Variants in PDE1A observed in about 807,000 individuals in gnomAD.
PDE1A encodes phosphodiesterase 1A.
In PDE1A, 35 loss-of-function variants were observed where a neutral mutation model predicts 61.7. The observed-to-expected ratio is 0.57, with a 90% CI of 0.43 to 0.75. PDE1A has a LOEUF of 0.75. PDE1A is among the 30% of genes least tolerant of loss of function. PDE1A has a pLI of 0.00. For synonymous variants in PDE1A, 232 were observed against 213.2 expected (o/e 1.09, Z -0.77); for missense variants, 597 against 630.6 (o/e 0.95, Z 0.57).
chr2:182,157,660 A>G (rs780894830), intron 13 of PDE1A, among the ~76,000 whole-genome samples: 3 of 152,138 alleles, frequency 2.0e-5, no homozygotes, highest in Non-Finnish European at 4.4e-5. Context: ...CAACCTAAAT[A>G]ATATTCACCA....
At chr2:182,547,764 G>A in the PDE1A span, among the ~76,000 whole-genome samples, 1 of 152,288 alleles carries the variant, frequency 6.6e-6, no homozygotes, top group African/African-American at 2.4e-5. Context: ...CTGTGAAAGA[G>A]CCGGAAATTT....
chr2:182,459,971 T>C (rs979091510), intron 2 of PDE1A, among the ~76,000 whole-genome samples: 1 of 152,172 alleles, frequency 6.6e-6, no homozygotes, highest in Non-Finnish European at 1.5e-5. Flanking sequence ...AATAATCCAC[T>C]TCTTAGCCAC....
intron 2 of PDE1A, among the ~76,000 whole-genome samples, chr2:182,491,524 A>G (rs1463201592): frequency 6.6e-6 from 1 of 152,220 alleles, no homozygotes; most frequent in East Asian, 1.9e-4. Flanking sequence ...AATAGGAGGC[A>G]GTGATGGAAA....
chr2:182,573,940 TTATATA>T, the PDE1A span, among the ~76,000 whole-genome samples: 92 of 135,790 alleles, frequency 6.8e-4, 1 homozygote, highest in African/African-American at 2.6e-3. Flanking sequence ...ATATGTATAT[TTATATA>T]TTATATATAT....
the PDE1A span, among the ~76,000 whole-genome samples, chr2:182,597,447 A>C: frequency 4.6e-5 from 7 of 152,194 alleles, no homozygotes; most frequent in Non-Finnish European, 8.8e-5. Context: ...CAGAGAAGCC[A>C]GCGCTTGCAG....
intron 1 of PDE1A, among the ~76,000 whole-genome samples, chr2:182,316,213 T>C (rs535752493): frequency 6.6e-6 from 1 of 152,204 alleles, no homozygotes; most frequent in Non-Finnish European, 1.5e-5. Context: ...CAGGGGACTT[T>C]AACATAAAAA....
chr2:182,649,347 G>A, the PDE1A span, among the ~76,000 whole-genome samples: 1 of 152,154 alleles, frequency 6.6e-6, no homozygotes, highest in African/African-American at 2.4e-5. Flanking sequence ...CCCTTGGTCA[G>A]AGGTAGGAAA....
At chr2:182,335,828 G>T (rs140587587) in intron 1 of PDE1A, among the ~76,000 whole-genome samples, 96,914 of 151,990 alleles carry the variant, frequency 0.64, 32,553 homozygotes, top group Middle Eastern at 0.77. Context: ...GCATGAACAG[G>T]CAACCTATAG....
At position 182,174,824 on chromosome 2, in the gene PDE1A, C is replaced by A. The variant is rs142598491; in HGVS notation, c.1517-6534G>T. On this transcript the variant is annotated intron_variant, in intron 13 of 13. Coordinates refer to ENST00000351439, the Ensembl canonical transcript of PDE1A. ...GTTTGTTACAGAGGTACACACGTGT[C>A]GTGGGGGTTTGCTGCACCCATCAAC... Among the ~76,000 whole-genome samples the A allele has an allele frequency of 4.7e-4, 71 of 152,072 alleles. No individual in the cohort carries two copies. The East Asian group carries it at 0.014, about 29-fold the overall frequency.
At chr2:182,701,725 G>T in the PDE1A span, among the ~76,000 whole-genome samples, 1,351 of 152,066 alleles carry the variant, frequency 8.9e-3, 5 homozygotes, top group Non-Finnish European at 0.015. Context: ...TACCAGATTT[G>T]TCCCAAACCA....
chr2:182,611,058 C>T, the PDE1A span, among the ~76,000 whole-genome samples: 1 of 152,160 alleles, frequency 6.6e-6, no homozygotes, highest in Non-Finnish European at 1.5e-5. Context: ...CAGGTAAATT[C>T]TTTAGATGAA....
intron 3 of PDE1A, among the ~76,000 whole-genome samples, chr2:182,238,263 C>T (rs1438672662): frequency 6.6e-5 from 3 of 45,196 alleles, no homozygotes; most frequent in African/African-American, 5.0e-4. Flanking sequence ...AGCCAGACTA[C>T]GTCAAAAAAA....
At chr2:182,671,386 C>T in the PDE1A span, among the ~76,000 whole-genome samples, 24 of 112,410 alleles carry the variant, frequency 2.1e-4, no homozygotes, top group Non-Finnish European at 3.8e-4. Context: ...GACGGGGTTT[C>T]GCCGCATTAG....
At chr2:182,502,126 A>T (rs1291033408) in intron 2 of PDE1A, among the ~76,000 whole-genome samples, 1 of 152,172 alleles carries the variant, frequency 6.6e-6, no homozygotes, top group Non-Finnish European at 1.5e-5. Context: ...GCCTCTTCAA[A>T]TAGCCTCTTC....
intron 8 of PDE1A, among the ~76,000 whole-genome samples, chr2:182,202,703 C>T (rs1223041316): frequency 6.6e-6 from 1 of 152,142 alleles, no homozygotes; most frequent in African/African-American, 2.4e-5. Flanking sequence ...ATCTGACCCT[C>T]CCTAACATAA....
At chr2:182,466,883 C>T (rs1358314225) in intron 2 of PDE1A, among the ~76,000 whole-genome samples, 1 of 151,904 alleles carries the variant, frequency 6.6e-6, no homozygotes, top group East Asian at 1.9e-4. Flanking sequence ...TTTGAAAAGG[C>T]AACAGGGCAT....
At chr2:182,171,987 C>T (rs1692265104) in intron 13 of PDE1A, among the ~76,000 whole-genome samples, 1 of 151,840 alleles carries the variant, frequency 6.6e-6, no homozygotes, top group Non-Finnish European at 1.5e-5. Flanking sequence ...ACTCATATTG[C>T]AAAGTACAAT....
chr2:182,272,396 G>C (rs1453029438), intron 1 of PDE1A, among the ~76,000 whole-genome samples: 1 of 152,176 alleles, frequency 6.6e-6, no homozygotes, highest in Non-Finnish European at 1.5e-5. Flanking sequence ...ACTGGGTCCT[G>C]CATGTTATGC....
chr2:182,451,145 G>A lies in PDE1A; in HGVS notation c.101+71131C>T, dbSNP rs1379304877. Among the ~76,000 whole-genome samples, 6 of 18,602 alleles carry A rather than the reference G, an allele frequency of 3.2e-4. 2 individuals carry two copies. Among genetic ancestry groups the A allele is most frequent in the Non-Finnish European group, 4.4e-4 (4 of 9,108 alleles). 12.2% of individuals were successfully genotyped at this position (18,602 alleles called of 152,430 possible). A position where few individuals can be genotyped will look rare whatever the true frequency, so the allele number is the denominator to read the frequency against. On this transcript the variant is annotated intron_variant, in intron 2 of 14. Transcript: ENST00000410103. ...TGTAATCCCAGCACTTTGGGAGGCC[G>A]AGGCGGGCGGATCACGAAGTCAGGA...
Sources: gnomAD v4.1 joint callset for allele counts (sites outside exome capture counted in the v4.1 genomes callset) on GRCh38, gnomAD v4.1.1 for gene constraint, MANE v1.5 for transcripts, NCBI Gene and HGNC (gene_info 2026-07-23, HGNC 2026-07-21) for gene names.